Variants in KCNH1 observed in about 807,000 individuals in gnomAD.
KCNH1 encodes potassium voltage-gated channel subfamily H member 1, also known as voltage-gated delayed rectifier potassium channel KCNH1.
A neutral mutation model predicts 69.2 loss-of-function variants in KCNH1; 27 were observed. The observed-to-expected ratio is 0.39, with a 90% CI of 0.29 to 0.54. KCNH1 has a LOEUF of 0.54. KCNH1 is among the 20% of genes least tolerant of loss of function. The pLI is 0.68. For missense variants in KCNH1, 798 were observed against 1,261.6 expected, an observed-to-expected ratio of 0.63 and a Z score of 5.57; for synonymous variants, 456 against 487.7, an observed-to-expected ratio of 0.93 and a Z score of 0.86.
intron 7 of KCNH1, among the ~76,000 whole-genome samples, chr1:210,853,952 A>AAAAAAAAAAAC (rs1404498518): frequency 2.7e-5 from 4 of 146,126 alleles, no homozygotes; most frequent in Non-Finnish European, 6.0e-5. Context: ...AAGCCAAAAA[A>AAAAAAAAAAAC]AAAAAAAAAA....
At chr1:210,912,695 T>C (rs1187206295) in intron 7 of KCNH1, among the ~76,000 whole-genome samples, 2 of 152,138 alleles carry the variant, frequency 1.3e-5, no homozygotes, top group Admixed American at 6.5e-5. Flanking sequence ...TGTTTTTGCA[T>C]CCCCAAATGG....
At chr1:211,080,757 C>CT (rs1408431562) in intron 5 of KCNH1, among the ~76,000 whole-genome samples, 2 of 152,168 alleles carry the variant, frequency 1.3e-5, no homozygotes, top group Non-Finnish European at 2.9e-5. Flanking sequence ...GGAAAACTGG[C>CT]TAGCCATATT....
chr1:211,027,280 C>T (rs993692769), intron 5 of KCNH1, among the ~76,000 whole-genome samples: 1 of 151,894 alleles, frequency 6.6e-6, no homozygotes, highest in Non-Finnish European at 1.5e-5. Context: ...AATGTAATAA[C>T]GAATATAAAA....
intron 5 of KCNH1, among the ~76,000 whole-genome samples, chr1:211,043,212 T>G (rs563960332): frequency 7.3e-4 from 111 of 152,100 alleles, no homozygotes; most frequent in African/African-American, 2.6e-3. Context: ...ATTAGCAAGA[T>G]TAACCAAGAA....
rs976661715 is a variant in KCNH1 at position 210,919,423 on chromosome 1, T to A, written c.1462+217A>T. On this transcript the variant is annotated intron_variant, in intron 7 of 10. Transcript: ENST00000271751. The surrounding 1 kb of genome is among the most constrained non-coding windows in gnomAD (Gnocchi z 4.2). ...CTCTGAAAAGCAGAATTATGGATAG[T>A]CTTTACTTTCTACTTTGCACTCTTT... The A allele has an allele frequency of 3.6e-6, 2 of 554,014 alleles. No individual in the cohort carries two copies. The highest frequency in any genetic ancestry group is 6.2e-5 in the Admixed American group (2 of 32,338). The allele number at this position is 554,014 out of a possible 1,614,324, so 34.3% of individuals were successfully genotyped here.
chr1:210,775,251 C>T lies in KCNH1; in HGVS notation c.2112+97G>A, dbSNP rs935053454. On this transcript the variant is annotated intron_variant, in intron 10 of 10. Transcript: ENST00000271751. Reference sequence around the variant, plus strand: ...ATCCTCTTTAGAACCAATTACTCTACTTAAATAAACAGCAAAGGGACTTTT... The same window carrying T: ...ATCCTCTTTAGAACCAATTACTCTATTTAAATAAACAGCAAAGGGACTTTT... The T allele has an allele frequency of 5.5e-5, 58 of 1,048,694 alleles. No individual in the cohort carries two copies. The African/African-American group carries it at 8.3e-4, about 15-fold the overall frequency. 65.0% of individuals were successfully genotyped at this position (1,048,694 alleles called of 1,614,324 possible). A position where few individuals can be genotyped will look rare whatever the true frequency, so the allele number is the denominator to read the frequency against.
At chr1:210,966,271 C>A (rs1418047732) in intron 6 of KCNH1, among the ~76,000 whole-genome samples, 1 of 152,074 alleles carries the variant, frequency 6.6e-6, no homozygotes, top group Non-Finnish European at 1.5e-5. Context: ...GACCTAAAAC[C>A]ACAAAAACCC....
intron 7 of KCNH1, among the ~76,000 whole-genome samples, chr1:210,810,634 A>G (rs1315721541): frequency 2.0e-5 from 3 of 152,082 alleles, no homozygotes; most frequent in African/African-American, 4.8e-5. Context: ...TTGATATTAT[A>G]CTTTAATTTC....
intron 10 of KCNH1, among the ~76,000 whole-genome samples, chr1:210,736,102 CA>C (rs1682873642): frequency 6.6e-6 from 1 of 152,082 alleles, no homozygotes; most frequent in Admixed American, 6.5e-5. Flanking sequence ...CAGTCATCCA[CA>C]GGCACAATCA....
intron 6 of KCNH1, among the ~76,000 whole-genome samples, chr1:210,958,662 T>C (rs1004463601): frequency 1.8e-4 from 28 of 152,254 alleles, no homozygotes; most frequent in African/African-American, 6.5e-4. Flanking sequence ...ATTAATTTGA[T>C]CTTCAATCAC....
chr1:210,765,702 G>A (rs1455546109), intron 10 of KCNH1, among the ~76,000 whole-genome samples: 1 of 152,112 alleles, frequency 6.6e-6, no homozygotes, highest in Non-Finnish European at 1.5e-5. Context: ...TATAGGAAAA[G>A]CTTCAGAGGG....
intron 6 of KCNH1, among the ~76,000 whole-genome samples, chr1:211,013,201 C>T (rs1041901855): frequency 6.6e-6 from 1 of 152,294 alleles, no homozygotes; most frequent in East Asian, 1.9e-4. Context: ...AAGTAATGAA[C>T]GTTGGTCCAA....
intron 3 of KCNH1, 61 bp downstream of exon 3, chr1:211,103,435 A>G (rs1379155871): frequency 5.7e-6 from 6 of 1,050,038 alleles, no homozygotes; most frequent in Non-Finnish European, 8.5e-6. Flanking sequence ...ACAGAGGAAG[A>G]GGAGATATTT....
chr1:210,940,468 G>A (rs866172707), intron 6 of KCNH1, among the ~76,000 whole-genome samples: 3 of 152,220 alleles, frequency 2.0e-5, no homozygotes, highest in Admixed American at 1.3e-4. Context: ...GTTACTGAGT[G>A]TAAAGAGAGC....
In KCNH1 at chr1:211,107,303, G is replaced by C. The variant is rs1371582589; in HGVS notation, c.154C>G (p.Leu52Val). 1 of 1,613,012 alleles carries C rather than the reference G, an allele frequency of 6.2e-7. No homozygotes were observed. Among genetic ancestry groups the C allele is most frequent in the Non-Finnish European group, 8.5e-7 (1 of 1,179,862 alleles). Residue 52 changes from leucine (L) to valine (V), a missense_variant, in exon 2 of 11, where the codon CTG (leucine) becomes GTG (valine). Transcript: ENST00000271751. ...IVYSNDGFCK[L>V]SGYHRAEVMQ... ...ACTTCTGCCCTGTGATAGCCAGACAGCTTGCAAAATCCATCATTGCTGTAC... is the reference window on the plus strand; with the variant it reads ...ACTTCTGCCCTGTGATAGCCAGACACCTTGCAAAATCCATCATTGCTGTAC...
chr1:211,012,055 G>C (rs12564720), intron 6 of KCNH1, among the ~76,000 whole-genome samples: 8,875 of 152,180 alleles, frequency 0.058, 328 homozygotes, highest in East Asian at 0.18. Flanking sequence ...CAAGACACAG[G>C]AGTGAAAACT....
At chr1:210,847,439 A>G (rs975392328) in intron 7 of KCNH1, among the ~76,000 whole-genome samples, 4 of 152,170 alleles carry the variant, frequency 2.6e-5, no homozygotes, top group African/African-American at 9.7e-5. Context: ...AGGGACATGG[A>G]TGAAACTGGA....
intron 5 of KCNH1, among the ~76,000 whole-genome samples, chr1:211,069,480 A>T (rs1358452935): frequency 6.6e-6 from 1 of 152,072 alleles, no homozygotes; most frequent in East Asian, 1.9e-4. Context: ...ACTATGATTA[A>T]TTTTTTAAGG....
At chr1:211,008,072 A>G (rs973266795) in intron 6 of KCNH1, among the ~76,000 whole-genome samples, 2 of 152,204 alleles carry the variant, frequency 1.3e-5, no homozygotes, top group Non-Finnish European at 2.9e-5. Flanking sequence ...AAAGAATTAA[A>G]AGCAGGGACT....
Sources: allele counts gnomAD v4.1 joint callset (sites outside exome capture counted in the v4.1 genomes callset), GRCh38; gene constraint gnomAD v4.1.1; non-coding constraint Gnocchi (gnomAD v3.1); transcripts MANE v1.5; gene names NCBI Gene and HGNC (gene_info 2026-07-23, HGNC 2026-07-21).